Variants in RBFOX1 observed in about 807,000 individuals in gnomAD.
RBFOX1 encodes RNA binding protein fox-1 homolog 1.
In RBFOX1, 8 loss-of-function variants were observed where a neutral mutation model predicts 57.7. That is an observed-to-expected ratio of 0.14 (90% CI 0.08 to 0.25). RBFOX1 has a LOEUF of 0.25. Among genes scored for constraint, RBFOX1 ranks in the 10% least tolerant of loss-of-function variants. The pLI, the probability that RBFOX1 is intolerant of heterozygous loss-of-function variation, is 1.00. For missense variants in RBFOX1, 611 were observed against 548.5 expected (o/e 1.11, Z -1.14); for synonymous variants, 326 against 222.4 (o/e 1.47, Z -4.15).
chr16:6,820,058 G>A (rs4786939), intron 3 of RBFOX1, among the ~76,000 whole-genome samples: 74,824 of 151,942 alleles, frequency 0.49, 19,703 homozygotes, highest in Non-Finnish European at 0.59. Flanking sequence ...AAATTGAATC[G>A]TGGGGCTTGA....
intron 3 of RBFOX1, among the ~76,000 whole-genome samples, chr16:5,850,000 C>A (rs527440130): frequency 1.6e-4 from 25 of 152,154 alleles, no homozygotes; most frequent in African/African-American, 4.8e-5. Flanking sequence ...TGGCTTGTTT[C>A]TCCTTCTAAT....
chr16:6,966,432 C>G (rs192443386), intron 3 of RBFOX1, among the ~76,000 whole-genome samples: 66 of 152,142 alleles, frequency 4.3e-4, no homozygotes, highest in African/African-American at 1.5e-3. Context: ...TTCCAGAGGT[C>G]CCTGGGCGAG....
chr16:6,072,859 A>G (rs545640796), intron 1 of RBFOX1, among the ~76,000 whole-genome samples: 41 of 152,276 alleles, frequency 2.7e-4, no homozygotes, highest in African/African-American at 8.7e-4. Flanking sequence ...AAATTTTTGG[A>G]TGTGAAAGAT....
At chr16:5,731,697 T>C (rs1211272912) in intron 3 of RBFOX1, among the ~76,000 whole-genome samples, 1 of 152,174 alleles carries the variant, frequency 6.6e-6, no homozygotes, top group African/African-American at 2.4e-5. Context: ...TGGATGTCCA[T>C]AGGACATTTG....
At chr16:5,971,397 G>A (rs971148366) in intron 4 of RBFOX1, among the ~76,000 whole-genome samples, 2 of 152,138 alleles carry the variant, frequency 1.3e-5, no homozygotes, top group African/African-American at 4.8e-5. Flanking sequence ...GCTGGGTGTG[G>A]GGACCATAGA....
intron 1 of RBFOX1, among the ~76,000 whole-genome samples, chr16:6,222,477 G>GTC (rs2097381283): frequency 2.0e-5 from 3 of 151,668 alleles, no homozygotes; most frequent in Non-Finnish European, 4.4e-5. Context: ...ATTGCATCAT[G>GTC]ACCATGAGGA....
At chr16:7,273,588 C>T (rs1167103779) in intron 4 of RBFOX1, among the ~76,000 whole-genome samples, 1 of 152,084 alleles carries the variant, frequency 6.6e-6, no homozygotes, top group Admixed American at 6.6e-5. Flanking sequence ...GGAAAAGTTG[C>T]AAACAAGATA....
chr16:6,568,659 G>A (rs2153943811), intron 2 of RBFOX1, among the ~76,000 whole-genome samples: 1 of 152,290 alleles, frequency 6.6e-6, no homozygotes, highest in Middle Eastern at 3.4e-3. Context: ...TCAGAAGAGA[G>A]CCCTGGATAG....
At chr16:5,751,305 G>C (rs1301263067) in intron 3 of RBFOX1, among the ~76,000 whole-genome samples, 1 of 152,080 alleles carries the variant, frequency 6.6e-6, no homozygotes, top group Non-Finnish European at 1.5e-5. Flanking sequence ...TTTCACTCAT[G>C]AGTAATTAAC....
chr16:6,860,028 G>A (rs1349114738), intron 3 of RBFOX1, among the ~76,000 whole-genome samples: 1 of 152,142 alleles, frequency 6.6e-6, no homozygotes, highest in Admixed American at 6.5e-5. Context: ...ACACCACAAG[G>A]GTACCTGATG....
At chr16:6,510,050 A>G (rs940833224) in intron 2 of RBFOX1, among the ~76,000 whole-genome samples, 7 of 152,186 alleles carry the variant, frequency 4.6e-5, no homozygotes, top group Admixed American at 3.3e-4. Flanking sequence ...GCAGCTTCAT[A>G]TCAGGCTCCT....
At chr16:5,367,958 C>T (rs2065765451) in intron 1 of RBFOX1, among the ~76,000 whole-genome samples, 1 of 152,166 alleles carries the variant, frequency 6.6e-6, no homozygotes, top group South Asian at 2.1e-4. Context: ...TGAGGAGTTT[C>T]CCGTTCCTTA....
At chr16:7,354,872 C>T (rs759230849) in intron 4 of RBFOX1, among the ~76,000 whole-genome samples, 2 of 152,206 alleles carry the variant, frequency 1.3e-5, no homozygotes, top group African/African-American at 2.4e-5. Context: ...AAAAGTTCTG[C>T]TGGACAGCTC....
chr16:5,242,491 A>G (rs888529696), intron 1 of RBFOX1, among the ~76,000 whole-genome samples: 1 of 152,132 alleles, frequency 6.6e-6, no homozygotes, highest in African/African-American at 2.4e-5. Context: ...TTTAGTTTCT[A>G]TGGGAATACT....
intron 2 of RBFOX1, among the ~76,000 whole-genome samples, chr16:6,574,469 C>T (rs1405700058): frequency 7.3e-6 from 1 of 136,456 alleles, no homozygotes; most frequent in Admixed American, 8.3e-5. Flanking sequence ...TGCTCTGTCG[C>T]TCAGGCTGGA....
At chr16:7,513,655 G>A (rs749652324) in intron 4 of RBFOX1, among the ~76,000 whole-genome samples, 3 of 152,102 alleles carry the variant, frequency 2.0e-5, no homozygotes, top group Non-Finnish European at 4.4e-5. Context: ...ATTGCCTAAT[G>A]TCCTGTGGGG....
intron 4 of RBFOX1, among the ~76,000 whole-genome samples, chr16:7,462,777 C>G (rs934122635): frequency 6.6e-6 from 1 of 152,178 alleles, no homozygotes; most frequent in Non-Finnish European, 1.5e-5. Flanking sequence ...CAGAAGCTGC[C>G]CGTATTCCTT....
chr16:6,270,767 G>A lies in RBFOX1; in HGVS notation c.-126-46228G>A, dbSNP rs533934376. Among the ~76,000 whole-genome samples, 19 of 152,242 alleles carry A rather than the reference G, an allele frequency of 1.2e-4. 1 individual carries two copies. Among genetic ancestry groups the A allele is most frequent in the South Asian group, 1.2e-3 (6 of 4,820 alleles). On this transcript the variant is annotated intron_variant, in intron 1 of 15. Coordinates refer to ENST00000550418, the MANE Select transcript of RBFOX1 (RefSeq NM_018723.4). ...AGAACACTCCCAATGACAGCAGAAG[G>A]CGTTTCTTTTTCATGTCCATGGGAG...
At chr16:7,074,041 T>C (rs1253729194) in intron 4 of RBFOX1, among the ~76,000 whole-genome samples, 1 of 152,232 alleles carries the variant, frequency 6.6e-6, no homozygotes, top group Non-Finnish European at 1.5e-5. Flanking sequence ...TCTTTTGTTT[T>C]GTAACAAGAA....
Sources: gnomAD v4.1 joint callset for allele counts (sites outside exome capture counted in the v4.1 genomes callset) on GRCh38, gnomAD v4.1.1 for gene constraint, MANE v1.5 for transcripts, NCBI Gene and HGNC (gene_info 2026-07-23, HGNC 2026-07-21) for gene names.